Variants in IFT70A observed in about 807,000 individuals in gnomAD.
The protein encoded by IFT70A is intraflagellar transport protein 70A.
the IFT70A span, chr2:177,618,431 T>G: frequency 6.2e-7 from 1 of 1,610,564 alleles, no homozygotes; most frequent in Non-Finnish European, 8.5e-7. Flanking sequence ...AGGCAGGCCT[T>G]GTACAGGGCC....
chr2:177,618,585 C>G, the IFT70A span: 5 of 1,602,436 alleles, frequency 3.1e-6, no homozygotes, highest in Non-Finnish European at 4.3e-6. Flanking sequence ...TGGGGCTCCG[C>G]TGCAGTTCTC....
chr2:177,616,777 C>T, the IFT70A span: 2 of 1,586,748 alleles, frequency 1.3e-6, no homozygotes, highest in African/African-American at 2.7e-5. Flanking sequence ...TGTATTCTTC[C>T]CAACATGCAT....
the IFT70A span, chr2:177,616,537 C>T: frequency 1.8e-6 from 1 of 569,828 alleles, no homozygotes; most frequent in Non-Finnish European, 2.9e-6. Flanking sequence ...CTGCATAGTC[C>T]CTACCCTTCT....
At chr2:177,617,223 G>A in the IFT70A span, 368 of 1,597,884 alleles carry the variant, frequency 2.3e-4, no homozygotes, top group Non-Finnish European at 2.9e-4. Context: ...TGACATTCAG[G>A]ATGTTATCAT....
chr2:177,617,120 C>A, the IFT70A span: 18 of 1,609,518 alleles, frequency 1.1e-5, no homozygotes, highest in Non-Finnish European at 1.5e-5. Flanking sequence ...AGCTGCTCTT[C>A]CTCCTTTTCA....
the IFT70A span, chr2:177,617,383 T>A: frequency 3.5e-5 from 56 of 1,600,070 alleles, no homozygotes; most frequent in Middle Eastern, 1.7e-4. Flanking sequence ...CACCATTGGA[T>A]AATTTTCAAG....
chr2:177,618,164 T>C, the IFT70A span: 12 of 1,614,104 alleles, frequency 7.4e-6, no homozygotes, highest in East Asian at 6.7e-5. Context: ...GCCTGCAGTG[T>C]GGCAGAAAAC....
chr2:177,616,641 A>T, the IFT70A span: 2 of 1,372,000 alleles, frequency 1.5e-6, no homozygotes, highest in Non-Finnish European at 2.0e-6. Context: ...AAGGCTAAAT[A>T]CAGATAAAAA....
the IFT70A span, chr2:177,617,542 G>A: frequency 1.2e-6 from 2 of 1,614,238 alleles, 1 homozygote; most frequent in Non-Finnish European, 1.7e-6. Flanking sequence ...AAGCTGCTCA[G>A]TCAGCATCCC....
the IFT70A span, chr2:177,617,242 T>C: frequency 1.4e-5 from 23 of 1,589,772 alleles, no homozygotes; most frequent in South Asian, 4.6e-5. Context: ...ATAATGCTTC[T>C]TGACTATGGG....
At chr2:177,618,422 G>A in the IFT70A span, 5 of 1,611,722 alleles carry the variant, frequency 3.1e-6, no homozygotes, top group Non-Finnish European at 4.2e-6. Flanking sequence ...TCCGGATAAA[G>A]GCAGGCCTTG....
chr2:177,617,099 C>G, the IFT70A span: 2 of 1,612,412 alleles, frequency 1.2e-6, no homozygotes, highest in Non-Finnish European at 1.7e-6. Context: ...CGATTTGGGT[C>G]ATCATAAGAG....
the IFT70A span, chr2:177,614,157 T>C: frequency 2.0e-5 from 3 of 152,110 alleles, no homozygotes; most frequent in Admixed American, 6.5e-5. Context: ...GTATCAAGTA[T>C]AGAGTAATCA....
the IFT70A span, chr2:177,617,266 A>T: frequency 2.0e-5 from 31 of 1,576,146 alleles, no homozygotes; most frequent in Non-Finnish European, 2.7e-5. Flanking sequence ...ATAGAAACCA[A>T]TGGCTTCTTT....
chr2:177,617,919 T>C, the IFT70A span: 1 of 1,614,188 alleles, frequency 6.2e-7, no homozygotes, highest in Non-Finnish European at 8.5e-7. Flanking sequence ...TCAGTTGGTA[T>C]TCTATGGCTG....
chr2:177,616,449 A>T, the IFT70A span: 1 of 317,698 alleles, frequency 3.1e-6, no homozygotes, highest in Non-Finnish European at 5.7e-6. Context: ...CAAAGATGTT[A>T]CTCTAGCAAT....
the IFT70A span, chr2:177,613,932 G>A: frequency 2.6e-5 from 4 of 152,022 alleles, no homozygotes; most frequent in Non-Finnish European, 4.4e-5. Flanking sequence ...TTATTGGCAG[G>A]TCTCACTTAA....
the IFT70A span, chr2:177,616,706 A>G: frequency 6.6e-7 from 1 of 1,516,454 alleles, no homozygotes; most frequent in Non-Finnish European, 8.8e-7. Flanking sequence ...AGTCATAACT[A>G]CTTATTCCAT....
chr2:177,618,661 A>C, the IFT70A span: 2 of 1,603,150 alleles, frequency 1.2e-6, no homozygotes, highest in Middle Eastern at 1.7e-4. Flanking sequence ...TAGCGCGGTA[A>C]ACTCCCCGTC....
Sources: gnomAD v4.1 joint callset for allele counts on GRCh38, gnomAD v4.1.1 for gene constraint, MANE v1.5 for transcripts, NCBI Gene and HGNC (gene_info 2026-07-23, HGNC 2026-07-21) for gene names.